ZNF385C: variants seen among roughly 807,000 people sequenced by gnomAD.
ZNF385C encodes the protein zinc finger protein 385C.
ZNF385C carries 28 observed loss-of-function variants against 35.4 expected under a neutral mutation model. That is an observed-to-expected ratio of 0.79 (90% CI 0.59 to 1.08). ZNF385C has a LOEUF of 1.08. Among genes scored for constraint, ZNF385C ranks in the 50% least tolerant of loss-of-function variants. The pLI, the probability that ZNF385C is intolerant of heterozygous loss-of-function variation, is 0.00. For synonymous variants in ZNF385C, 248 were observed against 248.2 expected, an observed-to-expected ratio of 1.00 and a Z score of 0.01; for missense variants, 605 against 595.6, an observed-to-expected ratio of 1.02 and a Z score of -0.16.
chr17:42,028,976 G>GGCA lies in ZNF385C; in HGVS notation c.771_773dup (p.Ala258dup), dbSNP rs1567983108. 1.9e-6 allele frequency: 3 copies of GGCA among 1,550,612 alleles called. No homozygotes were observed. The highest frequency in any genetic ancestry group is 2.0e-5 in the Admixed American group (1 of 51,008). ...GGCAGGAGGAAGAAGAGGATGAGGA[G>GGCA]GCAGCATCCAAGAGCTCTGAGTGGG... On this transcript the variant is annotated inframe_insertion, in exon 6 of 9. Transcript: ENST00000692273.
chr17:42,076,917 A>G (rs1555659311), intron 1 of ZNF385C, among the ~76,000 whole-genome samples: 2 of 152,092 alleles, frequency 1.3e-5, no homozygotes, highest in African/African-American at 4.8e-5. Flanking sequence ...TCCACCTTCC[A>G]CTTGCCCAGT....
intron 2 of ZNF385C, chr17:42,062,238 T>TC: frequency 6.5e-6 from 1 of 152,852 alleles, no homozygotes; most frequent in East Asian, 1.9e-4. Flanking sequence ...TTCACCCATT[T>TC]CCCCCAGAAA....
chr17:42,069,243 T>G (rs987410436), intron 1 of ZNF385C, among the ~76,000 whole-genome samples: 5 of 143,902 alleles, frequency 3.5e-5, no homozygotes, highest in African/African-American at 7.9e-5. Flanking sequence ...CCTGTCTGCC[T>G]GTGTGTCCAT....
At chr17:42,041,137 G>C (rs2053009790) in intron 2 of ZNF385C, 1 of 1,232,194 alleles carries the variant, frequency 8.1e-7, no homozygotes, top group African/African-American at 1.6e-5. Flanking sequence ...CACATATGGG[G>C]ATGCCTTCAG....
intron 1 of ZNF385C, among the ~76,000 whole-genome samples, chr17:42,065,667 A>G (rs571137629): frequency 6.6e-6 from 1 of 152,194 alleles, no homozygotes; most frequent in East Asian, 1.9e-4. Flanking sequence ...CACAGCGATA[A>G]GGGCAGGAGC....
rs1443042008 is a variant in ZNF385C at position 42,089,647 on chromosome 17, T to C, written c.-3+8763A>G. Among the ~76,000 whole-genome samples, 4 of 152,338 alleles carry C rather than the reference T, an allele frequency of 2.6e-5. No homozygotes were observed. The East Asian group carries it at 7.7e-4, about 29-fold the overall frequency. On this transcript the variant is annotated intron_variant, in intron 1 of 8. Transcript: ENST00000692273. Reference sequence around the variant, plus strand: ...ATCAAATCTTGACCACGAATCTTTTTTTTTGGTTTTAATTTAAATCTTCCA... The same window carrying C: ...ATCAAATCTTGACCACGAATCTTTTCTTTTGGTTTTAATTTAAATCTTCCA...
intron 2 of ZNF385C, chr17:42,038,371 G>A: frequency 2.8e-6 from 1 of 362,518 alleles, no homozygotes; most frequent in Non-Finnish European, 5.0e-6. Flanking sequence ...GGGCTGACAG[G>A]AGGGAATGGG....
intron 2 of ZNF385C, among the ~76,000 whole-genome samples, chr17:42,045,188 A>G (rs1363442152): frequency 2.0e-5 from 3 of 152,152 alleles, no homozygotes; most frequent in African/African-American, 4.8e-5. Flanking sequence ...AAGTGCTGGG[A>G]TTACAGGCGT....
chr17:42,041,223 C>A (rs975030398), intron 2 of ZNF385C: 1 of 1,232,316 alleles, frequency 8.1e-7, no homozygotes, highest in South Asian at 4.1e-5. Context: ...GGAGGGAGGA[C>A]TGAGTTAGGC....
intron 2 of ZNF385C, chr17:42,040,690 C>T: frequency 1.6e-6 from 2 of 1,232,280 alleles, no homozygotes; most frequent in East Asian, 6.3e-5. Flanking sequence ...TGGCCGAGGC[C>T]CTGCCAAGTC....
intron 1 of ZNF385C, among the ~76,000 whole-genome samples, chr17:42,067,358 T>C (rs936600273): frequency 6.6e-6 from 1 of 152,122 alleles, no homozygotes; most frequent in African/African-American, 2.4e-5. Flanking sequence ...TAACGCGCCA[T>C]AGATCTCACC....
chr17:42,026,919 G>T lies in ZNF385C; in HGVS notation c.1490C>A (p.Pro497His), dbSNP rs918406593. 6.2e-7 allele frequency: 1 copy of T among 1,602,010 alleles called. No individual in the cohort carries two copies. The highest frequency in any genetic ancestry group is 8.5e-7 in the Non-Finnish European group (1 of 1,174,094). The change falls in exon 9 of 9, where the codon CCT becomes CAT. Residue 497 changes from proline (P) to histidine (H), a missense_variant. Coordinates refer to ENST00000692273, the MANE Select transcript of ZNF385C (RefSeq NM_001392013.1). ...GGGCTAATAAGGGGCAAGGACGATA[G>T]GTCCTGTGGCAGGGCGGACAGCTCC... is the stretch of plus-strand genomic sequence containing the variant. Reference protein sequence around the residue: ...PAGAVRPATGPIVLAPY With the variant: ...PAGAVRPATGHIVLAPY
At chr17:42,083,290 C>A (rs1297847953) in intron 1 of ZNF385C, among the ~76,000 whole-genome samples, 1 of 151,038 alleles carries the variant, frequency 6.6e-6, no homozygotes, top group Non-Finnish European at 1.5e-5. Flanking sequence ...GCAAGCTCTG[C>A]CCCCCGGGTT....
chr17:42,025,740 G>C lies in ZNF385C; in HGVS notation c.*1157C>G, dbSNP rs1344973295. On this transcript the variant is annotated 3_prime_UTR_variant, in exon 9 of 9. Coordinates refer to ENST00000692273, the MANE Select transcript of ZNF385C (RefSeq NM_001392013.1). ...GGATACTGGCAGGGTCCCATATTGT[G>C]GGGTGGGGAGGGGGCAGTGCTGCAG... The C allele has an allele frequency of 6.6e-6, 1 of 152,520 alleles. No individual in the cohort carries two copies. Among genetic ancestry groups the C allele is most frequent in the South Asian group, 2.1e-4 (1 of 4,822 alleles). 9.4% of individuals were successfully genotyped at this position (152,520 alleles called of 1,614,324 possible).
intron 8 of ZNF385C, 63 bp downstream of exon 8, chr17:42,027,555 C>T: frequency 5.3e-6 from 2 of 379,632 alleles, no homozygotes. Context: ...CCCCATCTGG[C>T]CCTCCCAGCC....
chr17:42,088,584 G>A (rs1400463726), intron 1 of ZNF385C, among the ~76,000 whole-genome samples: 3 of 152,240 alleles, frequency 2.0e-5, no homozygotes, highest in African/African-American at 2.4e-5. Flanking sequence ...CCCAACCTCA[G>A]CAGGGCATCC....
chr17:42,051,652 TC>T (rs1262119237), intron 2 of ZNF385C, among the ~76,000 whole-genome samples: 2 of 152,002 alleles, frequency 1.3e-5, no homozygotes, highest in African/African-American at 4.8e-5. Context: ...CAAGGGCATG[TC>T]CAGACAATGA....
intron 2 of ZNF385C, among the ~76,000 whole-genome samples, chr17:42,047,054 C>T (rs1413442469): frequency 1.8e-5 from 2 of 112,588 alleles, no homozygotes; most frequent in African/African-American, 3.4e-5. Context: ...TTTTTTGAGA[C>T]GCAATTTCAC....
In ZNF385C at chr17:42,050,225, C is replaced by A. The variant is rs1254372120; in HGVS notation, c.251-12340G>T. ...TAAGCCTCAAACAGTATTCATGTGG[C>A]CCCAGAATGTGGGTCCCGAGCCTCC... On this transcript the variant is annotated intron_variant, in intron 2 of 8. Transcript: ENST00000692273. This position sits in a 1 kb window ranked among gnomAD's most constrained non-coding sequence, Gnocchi z 5.6. Among the ~76,000 whole-genome samples, 1 of 152,226 alleles carries A rather than the reference C, an allele frequency of 6.6e-6. No homozygotes were observed. The highest frequency in any genetic ancestry group is 1.5e-5 in the Non-Finnish European group (1 of 68,030).
Sources: gnomAD v4.1 joint callset for allele counts (sites outside exome capture counted in the v4.1 genomes callset) on GRCh38, gnomAD v4.1.1 for gene constraint, Gnocchi (gnomAD v3.1) non-coding constraint, MANE v1.5 for transcripts, NCBI Gene and HGNC (gene_info 2026-07-23, HGNC 2026-07-21) for gene names.